RBFOX1: variants seen among roughly 807,000 people sequenced by gnomAD.
The protein encoded by RBFOX1 is RNA binding protein fox-1 homolog 1.
A neutral mutation model predicts 57.7 loss-of-function variants in RBFOX1; 8 were observed. That is an observed-to-expected ratio of 0.14 (90% CI 0.08 to 0.25). The LOEUF (loss-of-function observed/expected upper bound fraction) is 0.25, where lower values mean the gene tolerates loss of function less well. Among genes scored for constraint, RBFOX1 ranks in the 10% least tolerant of loss-of-function variants. The probability of loss-of-function intolerance (pLI) is 1.00; values close to 1 mark genes in which losing one functional copy is unlikely to be tolerated. For missense variants in RBFOX1, 611 were observed against 548.5 expected (o/e 1.11, Z -1.14); for synonymous variants, 326 against 222.4 (o/e 1.47, Z -4.15).
rs998322909 is a variant in RBFOX1 at position 5,904,873 on chromosome 16, A to C, written c.351+37538A>C. On this transcript the variant is annotated intron_variant, in intron 4 of 19. Transcript: ENST00000641259. ...GCGCCTGTAGTCCCAGCTACTCGGG[A>C]GGCTGAGGCAGGAGAATGGCGTGAA... Among the ~76,000 whole-genome samples, 41 of 148,074 alleles carry C rather than the reference A, an allele frequency of 2.8e-4. 1 individual carries two copies. The highest frequency in any genetic ancestry group is 9.7e-4 in the African/African-American group (39 of 40,360).
rs911525032 is a variant in RBFOX1, at chr16:6,445,860, C to T, written c.-64+128803C>T. ...CCTCCCAAAGTGCTGGGATTACTGG[C>T]GTGAGCCACTGCGCCCGGCCATCTC... On this transcript the variant is annotated intron_variant, in intron 2 of 15. Coordinates refer to ENST00000550418, the MANE Select transcript of RBFOX1 (RefSeq NM_018723.4). Among the ~76,000 whole-genome samples, 11 of 152,268 alleles carry T rather than the reference C, an allele frequency of 7.2e-5. No homozygotes were observed. In the East Asian group the frequency reaches 1.2e-3, roughly 16 times the overall value.
intron 3 of RBFOX1, among the ~76,000 whole-genome samples, chr16:6,706,711 C>CT (rs33986994): frequency 0.2 from 28,472 of 142,080 alleles, 3,216 homozygotes; most frequent in Admixed American, 0.29. Flanking sequence ...CAGCTGCAGT[C>CT]TTTTTTTTTT....
At chr16:6,604,085 G>C in intron 2 of RBFOX1, among the ~76,000 whole-genome samples, 1 of 151,668 alleles carries the variant, frequency 6.6e-6, no homozygotes, top group East Asian at 1.9e-4. Flanking sequence ...ATCCCTTTTT[G>C]GTTCCTTCCT....
chr16:5,963,741 A>T (rs908243440), intron 4 of RBFOX1, among the ~76,000 whole-genome samples: 1 of 152,218 alleles, frequency 6.6e-6, no homozygotes, highest in African/African-American at 2.4e-5. Flanking sequence ...ATCTTATACT[A>T]TACATAAAAA....
At chr16:7,402,537 C>T (rs1249612005) in intron 4 of RBFOX1, among the ~76,000 whole-genome samples, 2 of 152,162 alleles carry the variant, frequency 1.3e-5, no homozygotes, top group African/African-American at 4.8e-5. Flanking sequence ...TCGTTGGGAA[C>T]AGACTTCAAA....
At chr16:7,651,788 T>G (rs1313791457) in intron 11 of RBFOX1, among the ~76,000 whole-genome samples, 1 of 152,242 alleles carries the variant, frequency 6.6e-6, no homozygotes, top group Non-Finnish European at 1.5e-5. Flanking sequence ...GTGGGCCTTT[T>G]GAGCCTTTGC....
At chr16:7,192,546 G>A (rs372011010) in intron 4 of RBFOX1, among the ~76,000 whole-genome samples, 34 of 152,238 alleles carry the variant, frequency 2.2e-4, no homozygotes, top group African/African-American at 8.2e-4. Context: ...GAAGACCAAA[G>A]ACAAATAACA....
intron 4 of RBFOX1, among the ~76,000 whole-genome samples, chr16:5,871,596 A>G (rs1343850311): frequency 6.6e-6 from 1 of 152,176 alleles, no homozygotes; most frequent in East Asian, 1.9e-4. Context: ...GGGCGCAGCC[A>G]TTGGATTGCA....
chr16:7,050,481 G>T (rs2049664517), intron 3 of RBFOX1, among the ~76,000 whole-genome samples: 1 of 151,996 alleles, frequency 6.6e-6, no homozygotes, highest in Non-Finnish European at 1.5e-5. Flanking sequence ...GGCCAGGTTT[G>T]TCTCGAATTC....
chr16:6,877,982 G>T (rs1477216421), intron 3 of RBFOX1, among the ~76,000 whole-genome samples: 1 of 152,118 alleles, frequency 6.6e-6, no homozygotes, highest in South Asian at 2.1e-4. Context: ...TCAGAGAGCC[G>T]AGTCATTGTG....
intron 3 of RBFOX1, among the ~76,000 whole-genome samples, chr16:5,645,816 C>T (rs1200006212): frequency 1.3e-5 from 2 of 152,176 alleles, no homozygotes; most frequent in African/African-American, 4.8e-5. Context: ...CAGGCATGTG[C>T]CACCACATCT....
intron 3 of RBFOX1, among the ~76,000 whole-genome samples, chr16:7,002,130 G>C (rs1264797215): frequency 1.3e-5 from 2 of 151,836 alleles, no homozygotes; most frequent in South Asian, 2.1e-4. Context: ...TGTTGATCTT[G>C]TTAGGTGAGT....
Position 6,483,682 on chromosome 16 carries a change from A to G in RBFOX1, c.-64+166625A>G, listed in dbSNP as rs2095412639. The G allele has an allele frequency of 1.4e-5, 9 of 629,144 alleles. 1 individual carries two copies. Among genetic ancestry groups the G allele is most frequent in the Non-Finnish European group, 1.7e-5 (9 of 515,734 alleles). 39.0% of individuals were successfully genotyped at this position (629,144 alleles called of 1,614,324 possible). ...CACTGACTCCGCGGGAGGGGGTTGC[A>G]GAGGGACGGGGGCGGGCGACAGGGG... On this transcript the variant is annotated intron_variant, in intron 2 of 15. Transcript: ENST00000550418.
At chr16:6,732,495 G>A (rs765663477) in intron 3 of RBFOX1, among the ~76,000 whole-genome samples, 8 of 152,186 alleles carry the variant, frequency 5.3e-5, no homozygotes, top group Non-Finnish European at 1.0e-4. Context: ...CTTCCAGGGG[G>A]ATGGGCTTAG....
chr16:7,550,506 T>C (rs1357091259), intron 5 of RBFOX1, among the ~76,000 whole-genome samples: 1 of 152,124 alleles, frequency 6.6e-6, no homozygotes, highest in East Asian at 1.9e-4. Flanking sequence ...ACTGTATCAA[T>C]AAAACGACCA....
intron 2 of RBFOX1, among the ~76,000 whole-genome samples, chr16:6,572,544 T>A (rs934025946): frequency 6.6e-6 from 1 of 152,092 alleles, no homozygotes; most frequent in Admixed American, 6.5e-5. Context: ...CAGGCAAGAT[T>A]GCTGAGTCTT....
intron 3 of RBFOX1, among the ~76,000 whole-genome samples, chr16:6,969,833 A>T (rs1598705543): frequency 6.6e-6 from 1 of 152,116 alleles, no homozygotes; most frequent in Non-Finnish European, 1.5e-5. Flanking sequence ...TCTGGCCCTA[A>T]TTCTGAGTGT....
At chr16:6,856,725 C>T (rs1021724259) in intron 3 of RBFOX1, among the ~76,000 whole-genome samples, 2 of 152,116 alleles carry the variant, frequency 1.3e-5, no homozygotes, top group African/African-American at 4.8e-5. Context: ...CAATCACAAA[C>T]TACCATGAGG....
intron 3 of RBFOX1, among the ~76,000 whole-genome samples, chr16:6,872,310 C>A (rs1234592536): frequency 1.3e-5 from 2 of 152,166 alleles, no homozygotes; most frequent in African/African-American, 4.8e-5. Flanking sequence ...TCTCTGCAGT[C>A]TGTCTCCCTC....
Sources: allele counts gnomAD v4.1 joint callset (sites outside exome capture counted in the v4.1 genomes callset), GRCh38; gene constraint gnomAD v4.1.1; transcripts MANE v1.5; gene names NCBI Gene and HGNC (gene_info 2026-07-23, HGNC 2026-07-21).